The following GALNT10 variants were observed in gnomAD, a reference collection of about 807,000 sequenced individuals.
The protein encoded by GALNT10 is GalNAc transferase 10.
A neutral mutation model predicts 75.0 loss-of-function variants in GALNT10; 41 were observed. The observed-to-expected ratio is 0.55, with a 90% CI of 0.43 to 0.71. The LOEUF is 0.71. Ranked by LOEUF, GALNT10 falls within the 30% of genes least tolerant of loss-of-function variation. The probability of loss-of-function intolerance (pLI) is 0.00; values close to 1 mark genes in which losing one functional copy is unlikely to be tolerated. For synonymous variants in GALNT10, 302 were observed against 313.0 expected (o/e 0.96, Z 0.37); for missense variants, 727 against 818.5 (o/e 0.89, Z 1.36).
At chr5:154,414,590 G>A (rs537212626) in intron 10 of GALNT10, among the ~76,000 whole-genome samples, 1 of 152,004 alleles carries the variant, frequency 6.6e-6, no homozygotes, top group East Asian at 1.9e-4. Context: ...GGGGTTGGTG[G>A]GGACAGGAGG....
intron 3 of GALNT10, among the ~76,000 whole-genome samples, chr5:154,328,015 C>A (rs1754781825): frequency 6.6e-6 from 1 of 150,714 alleles, no homozygotes; most frequent in Non-Finnish European, 1.5e-5. Flanking sequence ...ATGCAAGCAG[C>A]AAAATGCAGA....
chr5:154,210,385 T>TGCACACACACATGCATAC (rs1775177561), intron 1 of GALNT10, among the ~76,000 whole-genome samples: 1 of 148,878 alleles, frequency 6.7e-6, no homozygotes, highest in Non-Finnish European at 1.5e-5. Context: ...CACACATGCA[T>TGCACACACACATGCATAC]ACACACACAC....
At chr5:154,395,037 C>T (rs1160677388) in intron 7 of GALNT10, among the ~76,000 whole-genome samples, 1 of 152,252 alleles carries the variant, frequency 6.6e-6, no homozygotes, top group African/African-American at 2.4e-5. Flanking sequence ...CCCACCACTC[C>T]TCCAAGGAGA....
chr5:154,248,941 T>A (rs566190750), intron 1 of GALNT10, among the ~76,000 whole-genome samples: 3 of 152,348 alleles, frequency 2.0e-5, no homozygotes, highest in South Asian at 4.1e-4. Flanking sequence ...AGGCTCCAGA[T>A]AAGTTGCTGG....
At chr5:154,260,043 C>G (rs1010815935) in intron 1 of GALNT10, among the ~76,000 whole-genome samples, 3 of 151,826 alleles carry the variant, frequency 2.0e-5, no homozygotes, top group African/African-American at 7.3e-5. Context: ...AACAAACAAA[C>G]AAATTGGCTT....
intron 1 of GALNT10, among the ~76,000 whole-genome samples, chr5:154,214,374 C>T (rs12187228): frequency 0.41 from 62,068 of 151,814 alleles, 13,626 homozygotes; most frequent in East Asian, 0.78. Flanking sequence ...TCTGCTCTGC[C>T]GGTTCATTGT....
intron 4 of GALNT10, among the ~76,000 whole-genome samples, chr5:154,369,468 T>A (rs1483208673): frequency 6.6e-6 from 1 of 152,108 alleles, no homozygotes; most frequent in Non-Finnish European, 1.5e-5. Context: ...AGGCACGTGG[T>A]AAGCACCTGA....
intron 7 of GALNT10, among the ~76,000 whole-genome samples, chr5:154,398,883 G>T (rs1027073786): frequency 2.0e-5 from 3 of 152,164 alleles, no homozygotes; most frequent in African/African-American, 4.8e-5. Flanking sequence ...CAGGCCATAG[G>T]GTGAAAAAAC....
intron 1 of GALNT10, among the ~76,000 whole-genome samples, chr5:154,264,172 A>G (rs942569847): frequency 2.0e-5 from 3 of 151,938 alleles, no homozygotes; most frequent in African/African-American, 7.3e-5. Flanking sequence ...AATTAGCCAG[A>G]CGCAGTGGTG....
chr5:154,206,420 G>A (rs967372678), intron 1 of GALNT10, among the ~76,000 whole-genome samples: 4 of 152,142 alleles, frequency 2.6e-5, no homozygotes, highest in Admixed American at 6.5e-5. Flanking sequence ...AAAAACAGCC[G>A]CTGCCTTGAG....
At chr5:154,219,460 G>C (rs535283760) in intron 1 of GALNT10, 3 of 152,350 alleles carry the variant, frequency 2.0e-5, no homozygotes, top group Admixed American at 6.5e-5. Flanking sequence ...CCAGTTTACT[G>C]TTCTATCCTC....
At chr5:154,359,536 TA>T (rs5872375) in intron 4 of GALNT10, among the ~76,000 whole-genome samples, 2,432 of 136,852 alleles carry the variant, frequency 0.018, 56 homozygotes, top group African/African-American at 0.06. Context: ...TTTCTTTCTT[TA>T]AAAAAAAAAA....
chr5:154,417,510 G>A lies in GALNT10; in HGVS notation c.*538G>A, dbSNP rs1176646654. The stretch of plus-strand genomic sequence containing the variant: ...GGGGGAACATTGCAGTTACTGCACA[G>A]CTTCTGTTCTCTGTCACAACCCCAG... On this transcript the variant is annotated 3_prime_UTR_variant, in exon 12 of 12. Transcript: ENST00000297107. 6.5e-6 allele frequency: 1 copy of A among 154,712 alleles called. No individual in the cohort carries two copies. The highest frequency in any genetic ancestry group is 2.4e-5 in the African/African-American group (1 of 41,470). The allele number at this position is 154,712 out of a possible 1,614,324, so 9.6% of individuals were successfully genotyped here. A position where few individuals can be genotyped will look rare whatever the true frequency, so the allele number is the denominator to read the frequency against.
chr5:154,312,637 C>T (rs185989027), intron 3 of GALNT10, among the ~76,000 whole-genome samples: 6 of 152,328 alleles, frequency 3.9e-5, no homozygotes, highest in Non-Finnish European at 5.9e-5. Context: ...CCTCTGTAGA[C>T]AGACATACAG....
intron 3 of GALNT10, among the ~76,000 whole-genome samples, chr5:154,329,143 C>T (rs1754802747): frequency 6.6e-6 from 1 of 151,998 alleles, no homozygotes; most frequent in Non-Finnish European, 1.5e-5. Flanking sequence ...GGGTCAAAGA[C>T]GAAATATTAG....
chr5:154,380,076 A>C (rs1755710910), intron 5 of GALNT10, among the ~76,000 whole-genome samples: 1 of 152,142 alleles, frequency 6.6e-6, no homozygotes, highest in Non-Finnish European at 1.5e-5. Context: ...GAAGGAAATC[A>C]ATCTTTTTCC....
At chr5:154,257,622 G>A (rs1314059166) in intron 1 of GALNT10, among the ~76,000 whole-genome samples, 11 of 151,178 alleles carry the variant, frequency 7.3e-5, no homozygotes, top group East Asian at 5.8e-4. Context: ...GCAGTGAGCC[G>A]AGATCGCACC....
chr5:154,386,549 T>C (rs539840571), intron 7 of GALNT10, 119 bp downstream of exon 7: 5 of 606,572 alleles, frequency 8.2e-6, no homozygotes, highest in South Asian at 7.7e-5. Context: ...TCTGTAGCCC[T>C]TCTGCCCATC....
intron 5 of GALNT10, 55 bp from the exon 6 acceptor site, chr5:154,380,393 A>C: frequency 5.1e-6 from 7 of 1,380,854 alleles, no homozygotes; most frequent in Non-Finnish European, 7.2e-6. Context: ...AGGATGGTGC[A>C]CTTAGCTGCT....
Sources: gnomAD v4.1 joint callset for allele counts (sites outside exome capture counted in the v4.1 genomes callset) on GRCh38, gnomAD v4.1.1 for gene constraint, MANE v1.5 for transcripts, NCBI Gene and HGNC (gene_info 2026-07-23, HGNC 2026-07-21) for gene names.